TSPAN9: variants seen among roughly 807,000 people sequenced by gnomAD.
The protein encoded by TSPAN9 is tetraspanin 9, also known as tetraspanin-9.
Under a neutral mutation model 31.0 loss-of-function variants are expected in TSPAN9, and 16 were observed. The ratio of observed to expected loss-of-function variants is 0.52; its 90% CI spans 0.35 to 0.78. The LOEUF is 0.78. Ranked by LOEUF, TSPAN9 falls within the 30% of genes least tolerant of loss-of-function variation. The probability of loss-of-function intolerance (pLI) is 0.01; values close to 1 mark genes in which losing one functional copy is unlikely to be tolerated. For synonymous variants in TSPAN9, 145 were observed against 121.6 expected (o/e 1.19, Z -1.27); for missense variants, 272 against 312.5 (o/e 0.87, Z 0.98).
rs1481908927 is a variant in TSPAN9 at position 3,143,628 on chromosome 12, A to G, written c.-17-57549A>G. 6.6e-6 allele frequency among the ~76,000 whole-genome samples: 1 copy of G among 152,204 alleles called. No homozygotes were observed. Among genetic ancestry groups the G allele is most frequent in the Non-Finnish European group, 1.5e-5 (1 of 68,036 alleles). On this transcript the variant is annotated intron_variant, in intron 2 of 8. Transcript: ENST00000011898. This position sits in a 1 kb window ranked among gnomAD's most constrained non-coding sequence, Gnocchi z 4.2. ...TATAGGATATATAATAAATATCAGG[A>G]TATATATTTTATCCTATAGGTTAGA...
At chr12:3,274,857 C>T (rs754411185) in intron 3 of TSPAN9, among the ~76,000 whole-genome samples, 93 of 152,324 alleles carry the variant, frequency 6.1e-4, no homozygotes, top group Non-Finnish European at 9.4e-4. Flanking sequence ...GTGCACCATG[C>T]GTGGAGTTGT....
At position 3,285,079 on chromosome 12, in the gene TSPAN9, G is replaced by A. The variant is rs1180571481; in HGVS notation, c.*1963G>A. 2.0e-5 allele frequency: 3 copies of A among 152,248 alleles called. No homozygotes were observed. Among genetic ancestry groups the A allele is most frequent in the Non-Finnish European group, 1.5e-5 (1 of 68,074 alleles). The allele number at this position is 152,248 out of a possible 1,614,324, so 9.4% of individuals were successfully genotyped here. A position where few individuals can be genotyped will look rare whatever the true frequency, so the allele number is the denominator to read the frequency against. On this transcript the variant is annotated 3_prime_UTR_variant, in exon 9 of 9. Transcript: ENST00000011898. Reference sequence around the variant, plus strand: ...AGTGGTGCTGATGGAATGTGGGGGAGGCCCACATTTGAGCAAAGCTGCCCT... The same window carrying A: ...AGTGGTGCTGATGGAATGTGGGGGAAGCCCACATTTGAGCAAAGCTGCCCT...
Position 3,285,961 on chromosome 12 carries a change from C to G in TSPAN9, c.*2845C>G, listed in dbSNP as rs966886093. ...CCCCAGCTTGAGCCGTGTCACCCCC[C>G]TCTCCCTCCAGCATGGGCCTGTGTC... On this transcript the variant is annotated 3_prime_UTR_variant, in exon 9 of 9. Transcript: ENST00000011898. 6.6e-6 allele frequency: 1 copy of G among 152,516 alleles called. No homozygotes were observed. Among genetic ancestry groups the G allele is most frequent in the Non-Finnish European group, 1.5e-5 (1 of 68,214 alleles). The allele number at this position is 152,516 out of a possible 1,614,324, so 9.4% of individuals were successfully genotyped here. A position where few individuals can be genotyped will look rare whatever the true frequency, so the allele number is the denominator to read the frequency against.
intron 2 of TSPAN9, among the ~76,000 whole-genome samples, chr12:3,130,975 C>G (rs184505617): frequency 6.6e-6 from 1 of 152,116 alleles, no homozygotes; most frequent in Non-Finnish European, 1.5e-5. Context: ...AAGGGCAGAA[C>G]CTTCAAGGTC....
intron 2 of TSPAN9, among the ~76,000 whole-genome samples, chr12:3,098,494 G>A (rs1343410163): frequency 6.6e-6 from 1 of 152,144 alleles, no homozygotes; most frequent in Non-Finnish European, 1.5e-5. Flanking sequence ...CTAGAACAAG[G>A]TGGTTCATCC....
rs569136809 is a variant in TSPAN9, at chr12:3,099,601, G to A, written c.-18+15882G>A. On this transcript the variant is annotated intron_variant, in intron 2 of 8. Coordinates refer to ENST00000011898, the MANE Select transcript of TSPAN9 (RefSeq NM_006675.5). ...GATTTTTAATTGGATGCCAGATCCT[G>A]TAAATTTAATGTTGATGGGTATTGG... Among the ~76,000 whole-genome samples, 16 of 152,276 alleles carry A rather than the reference G, an allele frequency of 1.1e-4. No homozygotes were observed. The South Asian group carries it at 3.3e-3, about 32-fold the overall frequency.
chr12:3,171,360 C>T (rs1417741359), intron 2 of TSPAN9, among the ~76,000 whole-genome samples: 2 of 152,176 alleles, frequency 1.3e-5, no homozygotes, highest in Admixed American at 6.5e-5. Context: ...AATCCGTAAT[C>T]CACAGAAACT....
At chr12:3,116,549 A>C (rs150119203) in intron 2 of TSPAN9, among the ~76,000 whole-genome samples, 3 of 152,084 alleles carry the variant, frequency 2.0e-5, no homozygotes, top group Admixed American at 6.5e-5. Flanking sequence ...AGGGCTTGTG[A>C]TTGTTGTAAG....
chr12:3,213,905 C>G (rs925265953), intron 3 of TSPAN9, among the ~76,000 whole-genome samples: 2 of 152,222 alleles, frequency 1.3e-5, no homozygotes, highest in African/African-American at 4.8e-5. Context: ...GGCCATGCAT[C>G]CTGCATTTCC....
chr12:3,197,574 G>C (rs1403293465), intron 2 of TSPAN9, among the ~76,000 whole-genome samples: 7 of 151,822 alleles, frequency 4.6e-5, no homozygotes, highest in Non-Finnish European at 1.0e-4. Context: ...CTCAGAATGG[G>C]AGAGCTCCAC....
intron 2 of TSPAN9, among the ~76,000 whole-genome samples, chr12:3,134,217 A>G (rs1427162550): frequency 6.6e-6 from 1 of 152,068 alleles, no homozygotes; most frequent in Non-Finnish European, 1.5e-5. Context: ...CACTCCCAGG[A>G]TTTGGGTGTT....
intron 2 of TSPAN9, among the ~76,000 whole-genome samples, chr12:3,166,831 C>T (rs1171028682): frequency 6.6e-6 from 1 of 152,188 alleles, no homozygotes; most frequent in African/African-American, 2.4e-5. Flanking sequence ...GAGTCTCGCT[C>T]TGTCACCGAG....
intron 3 of TSPAN9, among the ~76,000 whole-genome samples, chr12:3,254,448 G>T (rs1399064093): frequency 6.6e-6 from 1 of 152,154 alleles, no homozygotes; most frequent in Non-Finnish European, 1.5e-5. Context: ...CCTGGGTCAG[G>T]CCTGTGGGCA....
rs776208758 is a variant in TSPAN9 at position 3,168,447 on chromosome 12, G to C, written c.-17-32730G>C. 5.3e-5 allele frequency among the ~76,000 whole-genome samples: 8 copies of C among 152,212 alleles called. No homozygotes were observed. Among genetic ancestry groups the C allele is most frequent in the Non-Finnish European group, 1.0e-4 (7 of 68,040 alleles). On this transcript the variant is annotated intron_variant, in intron 2 of 8. Transcript: ENST00000011898. The surrounding 1 kb of genome is among the most constrained non-coding windows in gnomAD (Gnocchi z 4.0). The stretch of plus-strand genomic sequence containing the variant: ...CCTGTCTGCAGCTGCTCAGCGTCAA[G>C]CACACAGGACAGAATGAATTCAGGA...
At chr12:3,176,399 C>T (rs765731186) in intron 2 of TSPAN9, among the ~76,000 whole-genome samples, 2 of 152,208 alleles carry the variant, frequency 1.3e-5, no homozygotes, top group Non-Finnish European at 2.9e-5. Flanking sequence ...TGAGGAACCA[C>T]GCGGCTGTGT....
At chr12:3,245,154 C>G (rs75467353) in intron 3 of TSPAN9, among the ~76,000 whole-genome samples, 4,513 of 152,316 alleles carry the variant, frequency 0.03, 105 homozygotes, top group African/African-American at 0.064. Flanking sequence ...CTGGCAGCGC[C>G]TGGTTCTGGA....
intron 3 of TSPAN9, among the ~76,000 whole-genome samples, chr12:3,226,786 A>ATTTTTT (rs2098387988): frequency 3.5e-4 from 2 of 5,646 alleles, no homozygotes; most frequent in Non-Finnish European, 5.6e-4. Context: ...ATATATATAT[A>ATTTTTT]TATATATATT....
chr12:3,218,374 A>C (rs74909496), intron 3 of TSPAN9, among the ~76,000 whole-genome samples: 5,489 of 152,306 alleles, frequency 0.036, 326 homozygotes, highest in African/African-American at 0.12. Context: ...TTGAGACTGC[A>C]TGTTTAAACT....
intron 3 of TSPAN9, 37 bp from the exon 4 acceptor site, chr12:3,278,384 A>G: frequency 3.7e-6 from 6 of 1,608,942 alleles, no homozygotes; most frequent in Non-Finnish European, 5.1e-6. Flanking sequence ...CGAATGTGAG[A>G]GCAGCGCCAG....
Sources: gnomAD v4.1 joint callset for allele counts (sites outside exome capture counted in the v4.1 genomes callset) on GRCh38, gnomAD v4.1.1 for gene constraint, Gnocchi (gnomAD v3.1) non-coding constraint, MANE v1.5 for transcripts, NCBI Gene and HGNC (gene_info 2026-07-23, HGNC 2026-07-21) for gene names.